PACRG: variants seen among roughly 807,000 people sequenced by gnomAD.
The protein encoded by PACRG is parkin coregulated, also known as parkin coregulated gene protein.
In PACRG, 29 loss-of-function variants were observed where a neutral mutation model predicts 29.7. The ratio of observed to expected loss-of-function variants is 0.98; its 90% CI spans 0.73 to 1.33. The LOEUF (loss-of-function observed/expected upper bound fraction) is 1.33, where lower values mean the gene tolerates loss of function less well. Among genes scored for constraint, PACRG ranks in the 40% most tolerant of loss-of-function variants. The pLI, the probability that PACRG is intolerant of heterozygous loss-of-function variation, is 0.00. For synonymous variants in PACRG, 116 were observed against 118.7 expected (o/e 0.98, Z 0.15); for missense variants, 279 against 316.2 (o/e 0.88, Z 0.89).
At chr6:162,959,081 C>CT (rs754915768) in intron 2 of PACRG, among the ~76,000 whole-genome samples, 1,190 of 105,530 alleles carry the variant, frequency 0.011, 21 homozygotes, top group African/African-American at 0.039. Context: ...GCCTGGCTAA[C>CT]TTTTTTTTTT....
At chr6:163,070,143 G>A (rs931845475) in intron 3 of PACRG, among the ~76,000 whole-genome samples, 2 of 152,080 alleles carry the variant, frequency 1.3e-5, no homozygotes, top group African/African-American at 4.8e-5. Context: ...CACAAGACCT[G>A]TCCTACAAGA....
At chr6:162,845,700 A>G (rs1169924569) in intron 2 of PACRG, among the ~76,000 whole-genome samples, 3 of 152,206 alleles carry the variant, frequency 2.0e-5, no homozygotes, top group African/African-American at 4.8e-5. Context: ...TTTAGCCTAT[A>G]TGATCTGCTT....
At chr6:162,814,052 A>G (rs1562623327) in intron 1 of PACRG, 95 bp from the exon 2 acceptor site, 4 of 1,326,206 alleles carry the variant, frequency 3.0e-6, no homozygotes, top group Non-Finnish European at 4.1e-6. Flanking sequence ...ACATATTTAT[A>G]CAAACTGAAA....
At chr6:162,780,516 A>G (rs1227509845) in intron 1 of PACRG, among the ~76,000 whole-genome samples, 3 of 152,190 alleles carry the variant, frequency 2.0e-5, no homozygotes, top group Admixed American at 2.0e-4. Flanking sequence ...CTGGCAACCA[A>G]TTAAAAATTA....
intron 1 of PACRG, among the ~76,000 whole-genome samples, chr6:162,746,750 C>A (rs1338821688): frequency 1.3e-5 from 2 of 152,126 alleles, no homozygotes; most frequent in Admixed American, 6.5e-5. Flanking sequence ...TTTTTTAATT[C>A]TAGCTTAGTG....
chr6:162,828,967 T>C (rs1173739787), intron 2 of PACRG, among the ~76,000 whole-genome samples: 4 of 152,204 alleles, frequency 2.6e-5, no homozygotes, highest in African/African-American at 9.7e-5. Context: ...AATTGAGGAA[T>C]CATGAATGAC....
intron 4 of PACRG, among the ~76,000 whole-genome samples, chr6:163,100,454 G>A (rs531415082): frequency 2.0e-5 from 3 of 152,288 alleles, no homozygotes; most frequent in Admixed American, 6.5e-5. Flanking sequence ...GCTCGAGAGG[G>A]TTCCAGCTGC....
intron 1 of PACRG, among the ~76,000 whole-genome samples, chr6:162,749,461 A>G (rs1388011733): frequency 2.5e-4 from 38 of 152,218 alleles, no homozygotes; most frequent in Admixed American, 2.5e-3. Flanking sequence ...CAGAGTATGT[A>G]TAATCCTGCT....
At chr6:162,911,170 C>A (rs1796273662) in intron 2 of PACRG, among the ~76,000 whole-genome samples, 1 of 152,170 alleles carries the variant, frequency 6.6e-6, no homozygotes, top group Non-Finnish European at 1.5e-5. Flanking sequence ...AAGCAAACAG[C>A]TTCATTTTAC....
intron 1 of PACRG, among the ~76,000 whole-genome samples, chr6:162,784,000 T>A (rs576409409): frequency 9.9e-5 from 15 of 152,284 alleles, no homozygotes; most frequent in Middle Eastern, 3.4e-3. Flanking sequence ...TTGGAAACAA[T>A]TGGTCACATT....
At chr6:162,788,831 G>A (rs1562597824) in intron 1 of PACRG, among the ~76,000 whole-genome samples, 1 of 152,002 alleles carries the variant, frequency 6.6e-6, no homozygotes, top group Non-Finnish European at 1.5e-5. Flanking sequence ...CAGGTCTTTT[G>A]ACCATTTCAA....
At chr6:163,153,907 G>T (rs999203129) in intron 4 of PACRG, among the ~76,000 whole-genome samples, 4 of 152,192 alleles carry the variant, frequency 2.6e-5, no homozygotes, top group Non-Finnish European at 5.9e-5. Context: ...GCTCTGTGGG[G>T]TGAACAGTCT....
At chr6:163,098,350 G>A (rs1163772988) in intron 4 of PACRG, among the ~76,000 whole-genome samples, 1 of 152,132 alleles carries the variant, frequency 6.6e-6, no homozygotes, top group African/African-American at 2.4e-5. Context: ...GACTCTGGGA[G>A]TTATCTCTGC....
At chr6:163,201,762 T>C (rs963204325) in intron 4 of PACRG, among the ~76,000 whole-genome samples, 5 of 152,196 alleles carry the variant, frequency 3.3e-5, no homozygotes, top group Admixed American at 6.5e-5. Flanking sequence ...GGTAAGAGCA[T>C]GGTGACGGTT....
intron 1 of PACRG, among the ~76,000 whole-genome samples, chr6:162,753,646 A>G (rs1275937890): frequency 6.6e-6 from 1 of 150,392 alleles, no homozygotes; most frequent in African/African-American, 2.4e-5. Context: ...CATGGGAGAT[A>G]ATTCGATCAT....
rs538738879 is a variant in PACRG, at chr6:163,174,949, ATGTTTGTCCACAGTACAGCT to A, written c.613+85546_613+85565del. ...AGAAACTAAGGCTCAGAAAGACAAA[ATGTTTGTCCACAGTACAGCT>A]TGTTGTAGCAGAGTCGAAATATCAA... On this transcript the variant is annotated intron_variant, in intron 4 of 4. Transcript: ENST00000366888. Among the ~76,000 whole-genome samples, 30 of 152,314 alleles carry A rather than the reference ATGTTTGTCCACAGTACAGCT, an allele frequency of 2.0e-4. No individual in the cohort carries two copies. The South Asian group carries it at 5.6e-3, about 28-fold the overall frequency.
At chr6:163,022,841 G>T (rs980329950) in intron 2 of PACRG, among the ~76,000 whole-genome samples, 2 of 152,150 alleles carry the variant, frequency 1.3e-5, no homozygotes, top group Non-Finnish European at 2.9e-5. Flanking sequence ...ATAATTTCCT[G>T]CTTCTCTTTC....
Position 162,728,675 on chromosome 6 carries a change from G to GA in PACRG, c.156+290dup, listed in dbSNP as rs1477481888. On this transcript the variant is annotated intron_variant, in intron 1 of 4. Coordinates refer to ENST00000366888, the MANE Select transcript of PACRG (RefSeq NM_001080379.2). ...ATTACTCTTAAGCTATTTACACGAGGAAAAAAGATCCCCTTTACTTACTAA... is the reference window on the plus strand; with the variant it reads ...ATTACTCTTAAGCTATTTACACGAGGAAAAAAAGATCCCCTTTACTTACTAA... Among the ~76,000 whole-genome samples, 14 of 151,958 alleles carry GA rather than the reference G, an allele frequency of 9.2e-5. No individual in the cohort carries two copies. In the East Asian group the frequency reaches 2.5e-3, roughly 27 times the overall value.
chr6:162,779,006 C>T (rs1027228137), intron 1 of PACRG, among the ~76,000 whole-genome samples: 4 of 152,164 alleles, frequency 2.6e-5, no homozygotes, highest in East Asian at 1.9e-4. Context: ...CACCCATTAG[C>T]GGTTCTTCCT....
Sources: gnomAD v4.1 joint callset for allele counts (sites outside exome capture counted in the v4.1 genomes callset) on GRCh38, gnomAD v4.1.1 for gene constraint, MANE v1.5 for transcripts, NCBI Gene and HGNC (gene_info 2026-07-23, HGNC 2026-07-21) for gene names.